The following TSC1 variants were observed in gnomAD, a reference collection of about 807,000 sequenced individuals.
TSC1 encodes hamartin.
TSC1 carries 20 observed loss-of-function variants against 124.3 expected under a neutral mutation model. The observed-to-expected ratio is 0.16, with a 90% CI of 0.11 to 0.23. The LOEUF is 0.23. Among genes scored for constraint, TSC1 ranks in the 10% least tolerant of loss-of-function variants. TSC1 has a pLI of 1.00. For missense variants in TSC1, 1,124 were observed against 1,448.5 expected (o/e 0.78, Z 3.64); for synonymous variants, 493 against 539.1 (o/e 0.91, Z 1.19).
chr9:132,914,813 G>A lies in TSC1; in HGVS notation c.738-2356C>T, dbSNP rs143068852. On this transcript the variant is annotated intron_variant, in intron 8 of 22. Coordinates refer to ENST00000298552, the MANE Select transcript of TSC1 (RefSeq NM_000368.5). ...GAACCTGGAAGGCGGAGGTTGCAGAGAGCCAGGAAAGCACCACTGCACTCC... is the reference window on the plus strand; with the variant it reads ...GAACCTGGAAGGCGGAGGTTGCAGAAAGCCAGGAAAGCACCACTGCACTCC... Among the ~76,000 whole-genome samples, 29 of 152,004 alleles carry A rather than the reference G, an allele frequency of 1.9e-4. 1 individual carries two copies. Among genetic ancestry groups the A allele is most frequent in the African/African-American group, 6.8e-4 (28 of 41,460 alleles).
At chr9:132,937,937 A>G (rs892791083) in intron 1 of TSC1, among the ~76,000 whole-genome samples, 1 of 152,136 alleles carries the variant, frequency 6.6e-6, no homozygotes, top group Non-Finnish European at 1.5e-5. Flanking sequence ...GCTGGTCTAG[A>G]ACTCCTGGAC....
chr9:132,903,697 C>T lies in TSC1; in HGVS notation c.2162G>A (p.Arg721His), dbSNP rs769566267. Residue 721 changes from arginine to histidine, a missense_variant, in exon 17 of 23, where the codon CGC becomes CAC. Physicochemically the swap from Arg to His is conservative, Grantham distance 29 (BLOSUM62 0). Coordinates refer to ENST00000298552, the MANE Select transcript of TSC1 (RefSeq NM_000368.5). This position sits in a 1 kb window ranked among gnomAD's most constrained non-coding sequence, Gnocchi z 5.9. ...CAGAGCTGCTGCTTTGATCACCTTG[C>T]GGAGGAGCCGCCTGTTCCGGAGGGC... ...QHALRNRRLL[R>H]KVIKAAALEE... 8.1e-6 allele frequency: 13 copies of T among 1,612,918 alleles called. No homozygotes were observed. The highest frequency in any genetic ancestry group is 4.5e-5 in the East Asian group (2 of 44,876).
intron 4 of TSC1, chr9:132,926,408 T>A (rs1224789265): frequency 6.3e-6 from 1 of 158,676 alleles, no homozygotes; most frequent in African/African-American, 2.4e-5. Context: ...GTTGCTCTCA[T>A]ATATACACTT....
chr9:132,940,488 A>G (rs1393419212), intron 1 of TSC1, among the ~76,000 whole-genome samples: 3 of 152,232 alleles, frequency 2.0e-5, no homozygotes, highest in African/African-American at 7.2e-5. Context: ...ACCAAAGTTA[A>G]GAACCACTGA....
Position 132,897,720 on chromosome 9 carries a change from C to G in TSC1, c.2626-110G>C, listed in dbSNP as rs1845164584. 2.1e-6 allele frequency: 3 copies of G among 1,409,018 alleles called. No homozygotes were observed. The South Asian group carries it at 3.9e-5, about 18-fold the overall frequency. The allele number at this position is 1,409,018 out of a possible 1,614,324, so 87.3% of individuals were successfully genotyped here. On this transcript the variant is annotated intron_variant, in intron 20 of 22. Transcript: ENST00000298552. Reference sequence around the variant, plus strand: ...AGGACTGAGAAGGCATTTTAGTATACTGATAACAGAAATATAAACTAGTAC... The same window carrying G: ...AGGACTGAGAAGGCATTTTAGTATAGTGATAACAGAAATATAAACTAGTAC...
chr9:132,910,304 A>G, intron 12 of TSC1: 2 of 265,330 alleles, frequency 7.5e-6, no homozygotes, highest in Admixed American at 5.4e-5. Flanking sequence ...CTGTCTCCAA[A>G]AAAAAAAAAA....
intron 6 of TSC1, among the ~76,000 whole-genome samples, chr9:132,922,606 A>G (rs554818952): frequency 6.8e-4 from 103 of 152,340 alleles, no homozygotes; most frequent in Non-Finnish European, 1.1e-3. Flanking sequence ...GTGGAAACCC[A>G]CGGCCACAGT....
At chr9:132,944,401 C>G (rs1046923694) in intron 1 of TSC1, 142 bp downstream of exon 1, 6 of 393,818 alleles carry the variant, frequency 1.5e-5, no homozygotes, top group Non-Finnish European at 2.7e-5. Flanking sequence ...GAGAGCTCTC[C>G]GAACCCCCCT....
At position 132,897,407 on chromosome 9, in the gene TSC1, T is replaced by C; in HGVS notation, c.2813+16A>G. The C allele has an allele frequency of 6.2e-7, 1 of 1,614,200 alleles. No individual in the cohort carries two copies. Among genetic ancestry groups the C allele is most frequent in the Non-Finnish European group, 8.5e-7 (1 of 1,180,028 alleles). ...CACTTAATAAAAACACAAAAGCCTT[T>C]CCTGATGAAAGTTACCTTGCCTGGA... On this transcript the variant is annotated intron_variant, in intron 21 of 22. Transcript: ENST00000298552.
intron 8 of TSC1, among the ~76,000 whole-genome samples, chr9:132,913,886 GTTTTGT>G (rs1410838345): frequency 1.7e-5 from 1 of 57,402 alleles, no homozygotes; most frequent in Non-Finnish European, 3.5e-5. Context: ...TTTTTGTTTT[GTTTTGT>G]TTTTTTTTTT....
chr9:132,907,715 C>T (rs1282672805), intron 12 of TSC1, among the ~76,000 whole-genome samples: 1 of 152,210 alleles, frequency 6.6e-6, no homozygotes, highest in Non-Finnish European at 1.5e-5. Context: ...GTCACGAACT[C>T]CCAACCTCAG....
At chr9:132,930,320 G>A (rs1313895497) in intron 2 of TSC1, among the ~76,000 whole-genome samples, 1 of 152,136 alleles carries the variant, frequency 6.6e-6, no homozygotes, top group African/African-American at 2.4e-5. Context: ...CAGGCATGGT[G>A]GCTCACGCTT....
At chr9:132,911,424 G>GAGAGCA in intron 10 of TSC1, 29 bp downstream of exon 10, 2 of 1,529,596 alleles carry the variant, frequency 1.3e-6, no homozygotes, top group Non-Finnish European at 1.8e-6. Context: ...AAGCAGAGGA[G>GAGAGCA]AGAGCAGGCA....
chr9:132,941,564 G>T (rs1847739028), intron 1 of TSC1: 1 of 152,192 alleles, frequency 6.6e-6, no homozygotes, highest in Non-Finnish European at 1.5e-5. Context: ...AACAGCCACA[G>T]ATTTTAACGC....
chr9:132,909,193 C>A (rs1315065392), intron 12 of TSC1, among the ~76,000 whole-genome samples: 1 of 152,170 alleles, frequency 6.6e-6, no homozygotes, highest in South Asian at 2.1e-4. Flanking sequence ...TAAGCCACTG[C>A]GCCCAGCCTG....
chr9:132,910,136 CAAAA>C, intron 12 of TSC1: 3 of 201,430 alleles, frequency 1.5e-5, no homozygotes, highest in Non-Finnish European at 2.9e-5. Context: ...TCATCTCCAC[CAAAA>C]AAAAAAAAAA....
intron 1 of TSC1, 143 bp downstream of exon 1, chr9:132,944,400 C>A (rs1847951401): frequency 2.5e-6 from 1 of 393,838 alleles, no homozygotes. Flanking sequence ...GGAGAGCTCT[C>A]CGAACCCCCC....
intron 15 of TSC1, among the ~76,000 whole-genome samples, chr9:132,905,006 C>G (rs1845578912): frequency 6.6e-6 from 1 of 152,010 alleles, no homozygotes; most frequent in Admixed American, 6.6e-5. Flanking sequence ...AAAAATATTC[C>G]CCAAGCACCT....
At chr9:132,909,385 A>G (rs1376913090) in intron 12 of TSC1, among the ~76,000 whole-genome samples, 1 of 152,242 alleles carries the variant, frequency 6.6e-6, no homozygotes, top group African/African-American at 2.4e-5. Context: ...GTCTCATCAT[A>G]AAAGTCCTGG....
Sources: allele counts gnomAD v4.1 joint callset (sites outside exome capture counted in the v4.1 genomes callset), GRCh38; gene constraint gnomAD v4.1.1; non-coding constraint Gnocchi (gnomAD v3.1); transcripts MANE v1.5; gene names NCBI Gene and HGNC (gene_info 2026-07-23, HGNC 2026-07-21).